UNC13A: variants seen among roughly 807,000 people sequenced by gnomAD.
The protein encoded by UNC13A is unc-13 homolog A, also known as protein unc-13 homolog A.
Under a neutral mutation model 219.7 loss-of-function variants are expected in UNC13A, and 61 were observed. The ratio of observed to expected loss-of-function variants is 0.28; its 90% CI spans 0.23 to 0.34. The LOEUF is 0.34. UNC13A is among the 10% of genes least tolerant of loss of function. The pLI is 1.00. For missense variants in UNC13A, 1,476 were observed against 2,270.3 expected (o/e 0.65, Z 7.11); for synonymous variants, 920 against 884.6 (o/e 1.04, Z -0.71).
At chr19:17,648,396 C>T (rs1262713563) in intron 16 of UNC13A, 35 bp downstream of exon 16, 2 of 1,491,528 alleles carry the variant, frequency 1.3e-6, no homozygotes, top group Non-Finnish European at 1.8e-6. Context: ...CTCCCCACGC[C>T]AACCCGTGGC....
intron 1 of UNC13A, among the ~76,000 whole-genome samples, chr19:17,677,908 T>A (rs1346351738): frequency 6.6e-6 from 1 of 152,174 alleles, no homozygotes; most frequent in African/African-American, 2.4e-5. Flanking sequence ...TTTTGCTTGA[T>A]TTCCAAGACA....
rs1207530895 is a variant in UNC13A, at chr19:17,657,991, C to G, written c.767+71G>C. The G allele has an allele frequency of 3.3e-6, 5 of 1,516,910 alleles. No individual in the cohort carries two copies. In the East Asian group the frequency reaches 1.2e-4, roughly 36 times the overall value. 94.0% of individuals were successfully genotyped at this position (1,516,910 alleles called of 1,614,324 possible). A position where few individuals can be genotyped will look rare whatever the true frequency, so the allele number is the denominator to read the frequency against. On this transcript the variant is annotated intron_variant, in intron 9 of 43. Coordinates refer to ENST00000519716, the MANE Select transcript of UNC13A (RefSeq NM_001080421.3). ...GAACTCCACCTCCAGCTCTGTCCAG[C>G]CCCGTACCCCTCTCTCCACTCCAGG...
intron 8 of UNC13A, among the ~76,000 whole-genome samples, chr19:17,662,468 G>GTAA (rs71336630): frequency 1.3e-5 from 2 of 151,622 alleles, no homozygotes; most frequent in Non-Finnish European, 2.9e-5. Context: ...ATACTATAAT[G>GTAA]TAATAATAAT....
chr19:17,605,324 TATG>T lies in UNC13A; in HGVS notation c.*727_*729del, dbSNP rs2076509780. Reference sequence around the variant, plus strand: ...TCTGTCAAATGGGTGTGTTGAACTCTATGATATGAGGACTGGGTTTGTTGGGGG... The same window carrying T: ...TCTGTCAAATGGGTGTGTTGAACTCTATATGAGGACTGGGTTTGTTGGGGG... On this transcript the variant is annotated 3_prime_UTR_variant, in exon 44 of 44. Transcript: ENST00000519716. The T allele has an allele frequency of 6.5e-6, 1 of 152,718 alleles. No individual in the cohort carries two copies. The highest frequency in any genetic ancestry group is 2.4e-5 in the African/African-American group (1 of 41,444). 9.5% of individuals were successfully genotyped at this position (152,718 alleles called of 1,614,324 possible).
rs1172599257 is a variant in UNC13A at position 17,652,619 on chromosome 19, T to C, written c.1439+12A>G. 8.1e-6 allele frequency: 13 copies of C among 1,613,700 alleles called. No homozygotes were observed. The highest frequency in any genetic ancestry group is 1.1e-5 in the Non-Finnish European group (13 of 1,179,792). ...AAATCTTCCTCCCACCGCTCACAGTTTCATTACTTACCCGCCTTTGAACCA... is the reference window on the plus strand; with the variant it reads ...AAATCTTCCTCCCACCGCTCACAGTCTCATTACTTACCCGCCTTTGAACCA... On this transcript the variant is annotated intron_variant, in intron 12 of 43. Transcript: ENST00000519716.
At position 17,605,678 on chromosome 19, in the gene UNC13A, T is replaced by G; in HGVS notation, c.*376A>C. On this transcript the variant is annotated 3_prime_UTR_variant, in exon 44 of 44. Transcript: ENST00000519716. Reference sequence around the variant, plus strand: ...TGGGGTCCCAGGGGTCTGGGTCCCATCTTATGGCTTTTCCAGGGGACATGA... The same window carrying G: ...TGGGGTCCCAGGGGTCTGGGTCCCAGCTTATGGCTTTTCCAGGGGACATGA... 2 of 195,740 alleles carry G rather than the reference T, an allele frequency of 1.0e-5. No homozygotes were observed. The highest frequency in any genetic ancestry group is 2.1e-5 in the Non-Finnish European group (2 of 97,422). The allele number at this position is 195,740 out of a possible 1,614,324, so 12.1% of individuals were successfully genotyped here.
rs957134806 is a variant in UNC13A, at chr19:17,674,911, T to A, written c.53-155A>T. Among the ~76,000 whole-genome samples the A allele has an allele frequency of 6.6e-6, 1 of 152,114 alleles. No homozygotes were observed. The highest frequency in any genetic ancestry group is 1.5e-5 in the Non-Finnish European group (1 of 68,028). ...ACCCTCAGGGCACAAGGGAGGGGCC[T>A]CAGTGTGGGGAGACGTGGAATTTTG... On this transcript the variant is annotated intron_variant, in intron 2 of 43. Coordinates refer to ENST00000519716, the MANE Select transcript of UNC13A (RefSeq NM_001080421.3). This position sits in a 1 kb window ranked among gnomAD's most constrained non-coding sequence, Gnocchi z 5.0.
At chr19:17,640,042 T>G (rs2076952043) in intron 22 of UNC13A, 134 bp from the exon 23 acceptor site, 2 of 915,374 alleles carry the variant, frequency 2.2e-6, no homozygotes, top group Non-Finnish European at 3.3e-6. Context: ...TGGCATTTTT[T>G]TTTTTGTTTT....
At chr19:17,621,577 T>G (rs946205932) in intron 37 of UNC13A, among the ~76,000 whole-genome samples, 2 of 151,996 alleles carry the variant, frequency 1.3e-5, no homozygotes, top group African/African-American at 4.8e-5. Flanking sequence ...ATGAGCCCTG[T>G]GGGTATTGCT....
At chr19:17,685,808 G>A (rs1178042600) in intron 1 of UNC13A, among the ~76,000 whole-genome samples, 2 of 152,226 alleles carry the variant, frequency 1.3e-5, no homozygotes, top group East Asian at 3.9e-4. Context: ...GCAAACGCCT[G>A]TGGGTCCCCG....
In UNC13A at chr19:17,674,509, G is replaced by A; in HGVS notation, c.152+148C>T. On this transcript the variant is annotated intron_variant, in intron 3 of 43. Coordinates refer to ENST00000519716, the MANE Select transcript of UNC13A (RefSeq NM_001080421.3). This position sits in a 1 kb window ranked among gnomAD's most constrained non-coding sequence, Gnocchi z 5.0. Reference sequence around the variant, plus strand: ...AGTGATTGGATTGGGGATGTGTTTTGGAGGTGAAGGTGATAAGGTGGACAG... The same window carrying A: ...AGTGATTGGATTGGGGATGTGTTTTAGAGGTGAAGGTGATAAGGTGGACAG... The A allele has an allele frequency of 4.5e-6, 3 of 659,386 alleles. No individual in the cohort carries two copies. The South Asian group carries it at 5.4e-5, about 12-fold the overall frequency. 40.8% of individuals were successfully genotyped at this position (659,386 alleles called of 1,614,324 possible).
At chr19:17,685,803 C>T (rs1485878159) in intron 1 of UNC13A, among the ~76,000 whole-genome samples, 2 of 152,218 alleles carry the variant, frequency 1.3e-5, no homozygotes, top group Non-Finnish European at 2.9e-5. Flanking sequence ...GATTGGCAAA[C>T]GCCTGTGGGT....
At chr19:17,639,607 G>T (rs1169680341) in intron 23 of UNC13A, 82 bp from the exon 24 acceptor site, 2 of 1,453,342 alleles carry the variant, frequency 1.4e-6, no homozygotes, top group African/African-American at 1.4e-5. Flanking sequence ...GGATACAAAG[G>T]CTCCCCGGTT....
At chr19:17,654,012 A>G (rs1309323283) in intron 11 of UNC13A, among the ~76,000 whole-genome samples, 1 of 151,328 alleles carries the variant, frequency 6.6e-6, no homozygotes, top group East Asian at 2.0e-4. Flanking sequence ...TACTTTCACT[A>G]GAGACGGGGT....
chr19:17,623,470 C>T, intron 36 of UNC13A, 72 bp downstream of exon 36: 4 of 1,284,224 alleles, frequency 3.1e-6, no homozygotes, highest in East Asian at 2.8e-5. Context: ...GAGAGGGGTG[C>T]AGCGACGCGG....
At chr19:17,618,661 C>A (rs925302132) in intron 39 of UNC13A, among the ~76,000 whole-genome samples, 160 bp from the exon 40 acceptor site, 1 of 152,152 alleles carries the variant, frequency 6.6e-6, no homozygotes, top group African/African-American at 2.4e-5. Flanking sequence ...AGCAGGTGCT[C>A]AAAAAATATT....
In UNC13A at chr19:17,645,211, GT is replaced by G. The variant is rs1345473430; in HGVS notation, c.2356+462del. On this transcript the variant is annotated intron_variant, in intron 19 of 43. Transcript: ENST00000519716. ...TTTAGTGGAGACGGGGTTTCACCAT[GT>G]TAGCCAGGCTGGTCTCGAACTCCTG... is the stretch of plus-strand genomic sequence containing the variant. Among the ~76,000 whole-genome samples the G allele has an allele frequency of 2.8e-4, 42 of 151,904 alleles. No individual in the cohort carries two copies. In the Middle Eastern group the frequency reaches 0.014, roughly 49 times the overall value.
chr19:17,639,034 T>C (rs1322874860), intron 25 of UNC13A, 49 bp downstream of exon 25: 1 of 1,526,126 alleles, frequency 6.6e-7, no homozygotes, highest in African/African-American at 1.4e-5. Flanking sequence ...GACTGAAGCC[T>C]GTGTCTAGTT....
intron 25 of UNC13A, 89 bp downstream of exon 25, chr19:17,638,994 G>A (rs2145034582): frequency 7.0e-7 from 1 of 1,429,100 alleles, no homozygotes; most frequent in Non-Finnish European, 9.3e-7. Flanking sequence ...GTTCAGAAGA[G>A]TTAAATCCCT....
Sources: gnomAD v4.1 joint callset for allele counts (sites outside exome capture counted in the v4.1 genomes callset) on GRCh38, gnomAD v4.1.1 for gene constraint, Gnocchi (gnomAD v3.1) non-coding constraint, MANE v1.5 for transcripts, NCBI Gene and HGNC (gene_info 2026-07-23, HGNC 2026-07-21) for gene names.